The following ME1 variants were observed in gnomAD, a reference collection of about 807,000 sequenced individuals.
ME1 encodes NADP-dependent malic enzyme.
A neutral mutation model predicts 66.4 loss-of-function variants in ME1; 74 were observed. The ratio of observed to expected loss-of-function variants is 1.11; its 90% CI spans 0.92 to 1.35. The LOEUF is 1.35. Among genes scored for constraint, ME1 ranks in the 40% most tolerant of loss-of-function variants. ME1 has a pLI of 0.00. For missense variants in ME1, 750 were observed against 694.1 expected, an observed-to-expected ratio of 1.08 and a Z score of -0.90; for synonymous variants, 251 against 235.6, an observed-to-expected ratio of 1.07 and a Z score of -0.60.
intron 6 of ME1, among the ~76,000 whole-genome samples, chr6:83,290,860 C>G (rs1249455917): frequency 1.3e-5 from 2 of 152,148 alleles, no homozygotes; most frequent in Non-Finnish European, 2.9e-5. Flanking sequence ...GAATTGATCC[C>G]TTTACCATTA....
intron 1 of ME1, among the ~76,000 whole-genome samples, chr6:83,426,067 C>A (rs1770366345): frequency 6.6e-6 from 1 of 152,226 alleles, no homozygotes; most frequent in Non-Finnish European, 1.5e-5. Flanking sequence ...CCTCTACCAT[C>A]TTGCCTTCCG....
chr6:83,420,245 T>C (rs923337446), intron 1 of ME1, among the ~76,000 whole-genome samples: 1 of 152,100 alleles, frequency 6.6e-6, no homozygotes, highest in African/African-American at 2.4e-5. Flanking sequence ...TTTTTATATT[T>C]TTAGTAGAGA....
chr6:83,223,621 T>TA (rs1790132661), intron 12 of ME1, 139 bp downstream of exon 12: 1 of 720,326 alleles, frequency 1.4e-6, no homozygotes. Context: ...CCACCCCTTA[T>TA]ACTCCACTGG....
chr6:83,329,071 C>A (rs978206598), intron 5 of ME1, among the ~76,000 whole-genome samples: 20 of 151,936 alleles, frequency 1.3e-4, no homozygotes, highest in African/African-American at 4.8e-4. Flanking sequence ...TTTTTGTCTC[C>A]CACATTTCTA....
rs1463901073 is a variant in ME1 at position 83,352,060 on chromosome 6, T to G, written c.438+4A>C. ...TGCTATAGTGGAAAAACATGATAAC[T>G]TACCTTGATGACATCTTCTGGCCAT... On this transcript the variant is annotated splice_donor_region_variant and intron_variant, in intron 4 of 13. Transcript: ENST00000369705. 4 of 1,591,318 alleles carry G rather than the reference T, an allele frequency of 2.5e-6. No homozygotes were observed. The highest frequency in any genetic ancestry group is 3.4e-6 in the Non-Finnish European group (4 of 1,167,526).
At chr6:83,334,134 C>T (rs890577059) in intron 5 of ME1, among the ~76,000 whole-genome samples, 1 of 152,038 alleles carries the variant, frequency 6.6e-6, no homozygotes, top group Non-Finnish European at 1.5e-5. Context: ...CGAAGCAGGT[C>T]GAGGCATTGC....
intron 13 of ME1, among the ~76,000 whole-genome samples, chr6:83,215,659 C>T (rs1034746412): frequency 2.0e-5 from 3 of 152,170 alleles, no homozygotes; most frequent in Non-Finnish European, 4.4e-5. Context: ...CAAGCGTGTA[C>T]ACACACAGAG....
intron 4 of ME1, among the ~76,000 whole-genome samples, chr6:83,350,294 C>A (rs1190264357): frequency 3.9e-5 from 6 of 151,950 alleles, no homozygotes; most frequent in African/African-American, 7.3e-5. Context: ...TATTAAGAGT[C>A]CAAAGGATAA....
At chr6:83,343,362 G>A (rs576843925) in intron 5 of ME1, among the ~76,000 whole-genome samples, 3 of 152,290 alleles carry the variant, frequency 2.0e-5, no homozygotes, top group African/African-American at 7.2e-5. Flanking sequence ...TGCAATTTGA[G>A]GAGTTTCAGA....
At chr6:83,297,004 T>C (rs1007465117) in intron 6 of ME1, among the ~76,000 whole-genome samples, 7 of 152,198 alleles carry the variant, frequency 4.6e-5, no homozygotes, top group African/African-American at 7.2e-5. Context: ...AAATTGATCA[T>C]CACAACGTAT....
chr6:83,221,153 C>T (rs923500065), intron 12 of ME1, among the ~76,000 whole-genome samples: 5 of 106,582 alleles, frequency 4.7e-5, no homozygotes, highest in Non-Finnish European at 8.9e-5. Context: ...AGCGAGACTC[C>T]GTCTCAAAAA....
rs185471730 is a variant in ME1 at position 83,233,709 on chromosome 6, T to C, written c.1026+4008A>G. On this transcript the variant is annotated intron_variant, in intron 9 of 13. Coordinates refer to ENST00000369705, the MANE Select transcript of ME1 (RefSeq NM_002395.6). The stretch of plus-strand genomic sequence containing the variant: ...TATTTTTACATTTTATAAACAATTA[T>C]ATTATAAGTTAATAAAATTAATAAA... Among the ~76,000 whole-genome samples the C allele has an allele frequency of 1.5e-3, 224 of 151,680 alleles. 2 individuals carry two copies. Among genetic ancestry groups the C allele is most frequent in the Non-Finnish European group, 2.1e-4 (14 of 67,838 alleles).
chr6:83,322,806 C>T (rs1009307338), intron 5 of ME1, among the ~76,000 whole-genome samples: 3 of 152,116 alleles, frequency 2.0e-5, no homozygotes, highest in African/African-American at 7.2e-5. Context: ...ATACAGAGAA[C>T]ACCACAAAGA....
At chr6:83,301,365 T>C (rs1583367208) in intron 6 of ME1, among the ~76,000 whole-genome samples, 1 of 150,724 alleles carries the variant, frequency 6.6e-6, no homozygotes, top group South Asian at 2.1e-4. Flanking sequence ...TTTCTTGAGA[T>C]GGAGTTGTGC....
In ME1 at chr6:83,378,556, C is replaced by A. The variant is rs139552336; in HGVS notation, c.362+19811G>T. Reference sequence around the variant, plus strand: ...TGAATGAGTCAGAAATAATCTTTGCCGAAGACAGTTTGCTATATTGTTAAA... The same window carrying A: ...TGAATGAGTCAGAAATAATCTTTGCAGAAGACAGTTTGCTATATTGTTAAA... On this transcript the variant is annotated intron_variant, in intron 3 of 13. Coordinates refer to ENST00000369705, the MANE Select transcript of ME1 (RefSeq NM_002395.6). Among the ~76,000 whole-genome samples, 136 of 152,010 alleles carry A rather than the reference C, an allele frequency of 8.9e-4. 2 individuals carry two copies. Among genetic ancestry groups the A allele is most frequent in the African/African-American group, 3.2e-3 (132 of 41,504 alleles).
intron 3 of ME1, among the ~76,000 whole-genome samples, chr6:83,354,002 C>T (rs1187058867): frequency 2.0e-5 from 3 of 152,146 alleles, no homozygotes; most frequent in Admixed American, 6.5e-5. Context: ...CTAATCACTA[C>T]CTGCTTCTTC....
At chr6:83,366,878 A>T (rs1769110172) in intron 3 of ME1, among the ~76,000 whole-genome samples, 2 of 152,188 alleles carry the variant, frequency 1.3e-5, no homozygotes, top group Non-Finnish European at 1.5e-5. Context: ...TGAATCACAA[A>T]AGTTCTCAAT....
chr6:83,324,372 C>A (rs1392271487), intron 5 of ME1, among the ~76,000 whole-genome samples: 2 of 151,324 alleles, frequency 1.3e-5, no homozygotes, highest in African/African-American at 2.4e-5. Context: ...ACATGAAAAA[C>A]CCTTAAAAAA....
At chr6:83,276,062 G>T (rs934555087) in intron 6 of ME1, among the ~76,000 whole-genome samples, 1 of 151,924 alleles carries the variant, frequency 6.6e-6, no homozygotes, top group Admixed American at 6.6e-5. Context: ...CAGCCACCGC[G>T]CCCCGGCCAA....
Sources: gnomAD v4.1 joint callset for allele counts (sites outside exome capture counted in the v4.1 genomes callset) on GRCh38, gnomAD v4.1.1 for gene constraint, MANE v1.5 for transcripts, NCBI Gene and HGNC (gene_info 2026-07-23, HGNC 2026-07-21) for gene names.